The following SAMD5 variants were observed in gnomAD, a reference collection of about 807,000 sequenced individuals.
SAMD5 encodes sterile alpha motif domain-containing protein 5.
Under a neutral mutation model 11.3 loss-of-function variants are expected in SAMD5, and 13 were observed. The observed-to-expected ratio is 1.15, with a 90% CI of 0.75 to 1.83. The LOEUF (loss-of-function observed/expected upper bound fraction) is 1.83, where lower values mean the gene tolerates loss of function less well. SAMD5 is among the 40% of genes most tolerant of loss of function. The pLI is 0.00. For missense variants in SAMD5, 255 were observed against 239.1 expected (o/e 1.07, Z -0.44); for synonymous variants, 129 against 111.3 (o/e 1.16, Z -1.00).
chr6:147,774,502 A>G, the SAMD5 span, among the ~76,000 whole-genome samples: 1 of 152,278 alleles, frequency 6.6e-6, no homozygotes, highest in Non-Finnish European at 1.5e-5. Flanking sequence ...ATTTTAAATC[A>G]TCTCTAGATT....
chr6:147,690,341 A>C (rs1048587186), intron 1 of SAMD5, among the ~76,000 whole-genome samples: 1 of 152,222 alleles, frequency 6.6e-6, no homozygotes, highest in African/African-American at 2.4e-5. Context: ...AAATAGTTTA[A>C]AAAAATTTTA....
At chr6:147,751,331 G>A in the SAMD5 span, among the ~76,000 whole-genome samples, 1 of 152,014 alleles carries the variant, frequency 6.6e-6, no homozygotes, top group African/African-American at 2.4e-5. Context: ...TTTATGTGTA[G>A]TGTTTTTTTT....
chr6:147,583,374 G>T (rs193280777), intron 1 of SAMD5, among the ~76,000 whole-genome samples: 13 of 152,346 alleles, frequency 8.5e-5, no homozygotes, highest in Admixed American at 7.8e-4. Context: ...GAATGTAATT[G>T]CTAGGCCTTT....
the SAMD5 span, among the ~76,000 whole-genome samples, chr6:147,932,723 T>C: frequency 1.3e-5 from 2 of 151,876 alleles, no homozygotes; most frequent in African/African-American, 4.8e-5. Context: ...AACTTACAAA[T>C]GGCTGGGTAG....
At chr6:147,806,318 G>GCACA in the SAMD5 span, among the ~76,000 whole-genome samples, 1,079 of 68,106 alleles carry the variant, frequency 0.016, 15 homozygotes, top group African/African-American at 0.045. Flanking sequence ...GCGCGCGCGC[G>GCACA]CACACACACA....
In SAMD5 at chr6:147,569,236, GAAAAGAA is replaced by G. The variant is rs946953604; in HGVS notation, c.*4791_*4797del. ...ACTCTGTCTAAAAAAAAAAAAAAAAGAAAAGAAAAAAGAAAAATTGAAGAACATAACT... is the reference window on the plus strand; with the variant it reads ...ACTCTGTCTAAAAAAAAAAAAAAAAGAAAAGAAAAATTGAAGAACATAACT... On this transcript the variant is annotated 3_prime_UTR_variant, in exon 2 of 2. Coordinates refer to ENST00000367474, the MANE Select transcript of SAMD5 (RefSeq NM_001030060.3). 1.1e-4 allele frequency: 26 copies of G among 245,254 alleles called. No homozygotes were observed. Among genetic ancestry groups the G allele is most frequent in the Middle Eastern group, 2.1e-3 (1 of 486 alleles). The allele number at this position is 245,254 out of a possible 1,614,324, so 15.2% of individuals were successfully genotyped here. A position where few individuals can be genotyped will look rare whatever the true frequency, so the allele number is the denominator to read the frequency against.
chr6:147,900,962 G>C, the SAMD5 span, among the ~76,000 whole-genome samples: 4 of 152,130 alleles, frequency 2.6e-5, no homozygotes, highest in Non-Finnish European at 4.4e-5. Context: ...GGGTCTAAGG[G>C]CTCAGAACCT....
At chr6:147,885,076 G>T in the SAMD5 span, among the ~76,000 whole-genome samples, 19 of 152,130 alleles carry the variant, frequency 1.2e-4, no homozygotes, top group Non-Finnish European at 2.4e-4. Flanking sequence ...AATTTTATAA[G>T]TCTAATTATC....
chr6:147,658,738 G>T (rs2128454145), intron 1 of SAMD5, among the ~76,000 whole-genome samples: 1 of 152,092 alleles, frequency 6.6e-6, no homozygotes. Context: ...GGTAAGAATT[G>T]GGCTAAACAT....
chr6:147,909,445 T>C, the SAMD5 span, among the ~76,000 whole-genome samples: 1 of 152,196 alleles, frequency 6.6e-6, no homozygotes, highest in Non-Finnish European at 1.5e-5. Flanking sequence ...AAACTGCTAA[T>C]GTCTCCACTT....
chr6:147,675,531 C>CT (rs1449104476), intron 1 of SAMD5, among the ~76,000 whole-genome samples: 4 of 152,092 alleles, frequency 2.6e-5, no homozygotes, highest in African/African-American at 4.8e-5. Context: ...TTTCTTTGTT[C>CT]TTTTTTATGA....
At chr6:147,528,718 C>CT (rs1348450386) in intron 1 of SAMD5, among the ~76,000 whole-genome samples, 1 of 152,190 alleles carries the variant, frequency 6.6e-6, no homozygotes, top group Non-Finnish European at 1.5e-5. Context: ...AATCTAACAG[C>CT]TGATGAAACT....
chr6:147,522,285 A>G (rs1788266486), intron 1 of SAMD5, among the ~76,000 whole-genome samples: 1 of 152,150 alleles, frequency 6.6e-6, no homozygotes, highest in African/African-American at 2.4e-5. Flanking sequence ...GGAAATACTG[A>G]AAGTATTTTG....
At chr6:147,680,945 T>C (rs1020492667) in intron 1 of SAMD5, among the ~76,000 whole-genome samples, 21 of 152,270 alleles carry the variant, frequency 1.4e-4, no homozygotes, top group African/African-American at 4.8e-4. Flanking sequence ...ATGATATTGA[T>C]CTTTAGTTTT....
chr6:147,821,150 A>G, the SAMD5 span, among the ~76,000 whole-genome samples: 3 of 152,250 alleles, frequency 2.0e-5, no homozygotes, highest in Non-Finnish European at 4.4e-5. Flanking sequence ...AACAGATGCA[A>G]TATTTTATAA....
chr6:147,587,836 T>C (rs1336741110), intron 1 of SAMD5, among the ~76,000 whole-genome samples: 2 of 152,146 alleles, frequency 1.3e-5, no homozygotes, highest in Non-Finnish European at 2.9e-5. Flanking sequence ...GTTAAGTTCC[T>C]AGAACTTAAC....
intron 1 of SAMD5, among the ~76,000 whole-genome samples, chr6:147,611,986 T>C (rs760335147): frequency 3.3e-5 from 5 of 152,230 alleles, no homozygotes; most frequent in African/African-American, 7.2e-5. Context: ...GGGCCATCGA[T>C]GTAGCTCATC....
chr6:147,569,596 C>T lies in SAMD5; in HGVS notation c.*5140C>T. The stretch of plus-strand genomic sequence containing the variant: ...AATGAAATGCTGTGTTAAATATCTC[C>T]AGGGCAAAGTGGTATGTTGACTGGG... On this transcript the variant is annotated 3_prime_UTR_variant, in exon 2 of 2. Coordinates refer to ENST00000367474, the MANE Select transcript of SAMD5 (RefSeq NM_001030060.3). 2 of 983,650 alleles carry T rather than the reference C, an allele frequency of 2.0e-6. No individual in the cohort carries two copies. The highest frequency in any genetic ancestry group is 2.4e-6 in the Non-Finnish European group (2 of 828,338). 60.9% of individuals were successfully genotyped at this position (983,650 alleles called of 1,614,324 possible).
chr6:147,909,461 A>G, the SAMD5 span, among the ~76,000 whole-genome samples: 2 of 152,138 alleles, frequency 1.3e-5, no homozygotes, highest in Non-Finnish European at 2.9e-5. Context: ...CACTTGACAC[A>G]GGAGAAGAGA....
Sources: allele counts gnomAD v4.1 joint callset (sites outside exome capture counted in the v4.1 genomes callset), GRCh38; gene constraint gnomAD v4.1.1; transcripts MANE v1.5; gene names NCBI Gene and HGNC (gene_info 2026-07-23, HGNC 2026-07-21).